PTPN14: variants seen among roughly 807,000 people sequenced by gnomAD.
PTPN14 encodes protein tyrosine phosphatase non-receptor type 14.
In PTPN14, 53 loss-of-function variants were observed where a neutral mutation model predicts 126.8. The ratio of observed to expected loss-of-function variants is 0.42; its 90% CI spans 0.34 to 0.53. PTPN14 has a LOEUF of 0.53. Among genes scored for constraint, PTPN14 ranks in the 20% least tolerant of loss-of-function variants. The pLI is 0.08. For missense variants in PTPN14, 1,257 were observed against 1,552.9 expected, an observed-to-expected ratio of 0.81 and a Z score of 3.20; for synonymous variants, 630 against 599.3, an observed-to-expected ratio of 1.05 and a Z score of -0.75.
chr1:214,530,740 A>C (rs965240001), intron 1 of PTPN14: 4 of 150,762 alleles, frequency 2.7e-5, no homozygotes, highest in African/African-American at 7.5e-5. Flanking sequence ...TTGTTGTCAA[A>C]ACTATTAGCA....
chr1:214,537,515 A>T (rs998133024), intron 1 of PTPN14, among the ~76,000 whole-genome samples: 5 of 152,216 alleles, frequency 3.3e-5, no homozygotes, highest in Non-Finnish European at 5.9e-5. Context: ...TCTCATCTAC[A>T]ATAGGCCAAA....
At chr1:214,449,848 A>T (rs1660233003) in intron 3 of PTPN14, among the ~76,000 whole-genome samples, 1 of 127,680 alleles carries the variant, frequency 7.8e-6, no homozygotes, top group South Asian at 2.9e-4. Flanking sequence ...AATAAAAATA[A>T]AAAAAAAAGG....
At position 214,384,190 on chromosome 1, in the gene PTPN14, C is replaced by T. The variant is rs572079685; in HGVS notation, c.1665G>A (p.Thr555=). Residue 555 remains threonine (T), a synonymous_variant, in exon 13 of 19, where the codon ACG becomes ACA. Coordinates refer to ENST00000366956, the MANE Select transcript of PTPN14 (RefSeq NM_005401.5). This position sits in a 1 kb window ranked among gnomAD's most constrained non-coding sequence, Gnocchi z 5.3. ...MQLQGSHNYS[T]AHMLKNYLFR... is the part of the protein sequence containing the mutation. ...AGAGATAGTTCTTAAGCATGTGGGC[C>T]GTGCTGTAGTTATGGCTGCCCTGCA... 4 of 1,607,654 alleles carry T rather than the reference C, an allele frequency of 2.5e-6. No homozygotes were observed. The highest frequency in any genetic ancestry group is 1.7e-5 in the Admixed American group (1 of 59,850).
chr1:214,516,925 G>A (rs982269363), intron 1 of PTPN14, among the ~76,000 whole-genome samples: 3 of 151,922 alleles, frequency 2.0e-5, no homozygotes, highest in African/African-American at 7.3e-5. Flanking sequence ...TACTCCTCCT[G>A]GCTTCTGGAC....
At chr1:214,496,603 A>G (rs1654519680) in intron 1 of PTPN14, among the ~76,000 whole-genome samples, 1 of 152,208 alleles carries the variant, frequency 6.6e-6, no homozygotes, top group Non-Finnish European at 1.5e-5. Flanking sequence ...TGATTTGATG[A>G]TACCTGTATA....
intron 5 of PTPN14, among the ~76,000 whole-genome samples, chr1:214,410,224 T>G (rs1290105259): frequency 6.6e-6 from 1 of 152,118 alleles, no homozygotes; most frequent in Non-Finnish European, 1.5e-5. Flanking sequence ...CCCAGACCAA[T>G]GTCATGTAGC....
chr1:214,384,545 G>C lies in PTPN14; in HGVS notation c.1310C>G (p.Pro437Arg). Residue 437 changes from proline to arginine, a missense_variant, in exon 13 of 19, where the codon CCC (proline) becomes CGC (arginine). This residue lies in a region of PTPN14 where 1,021 missense variants were observed against 1,183.3 expected (regional missense o/e 0.86). Transcript: ENST00000366956. This position sits in a 1 kb window ranked among gnomAD's most constrained non-coding sequence, Gnocchi z 5.3. ...PSHRHSAIIV[P>R]SYRPTPDYET... is the part of the protein sequence containing the mutation. ...ATAATCGGGGGTTGGCCTGTACGAG[G>C]GCACGATGATCGCGCTGTGCCGGTG... 1 of 1,614,056 alleles carries C rather than the reference G, an allele frequency of 6.2e-7. No individual in the cohort carries two copies. The highest frequency in any genetic ancestry group is 8.5e-7 in the Non-Finnish European group (1 of 1,180,024).
At chr1:214,370,609 A>G (rs1413186725) in intron 16 of PTPN14, among the ~76,000 whole-genome samples, 1 of 152,196 alleles carries the variant, frequency 6.6e-6, no homozygotes, top group Non-Finnish European at 1.5e-5. Flanking sequence ...AGTTCAATCT[A>G]CAACTAGAAC....
rs140067131 is a variant in PTPN14 at position 214,533,759 on chromosome 1, C to T, written c.-155+17424G>A. On this transcript the variant is annotated intron_variant, in intron 1 of 18. Transcript: ENST00000366956. ...GACTGAGGCGGGAGAATGGCGTGAA[C>T]CCGGGAGGCGGAGCTTGCAGTGAGC... 3.4e-3 allele frequency among the ~76,000 whole-genome samples: 513 copies of T among 151,108 alleles called. 3 individuals are homozygous for T. The highest frequency in any genetic ancestry group is 0.011 in the African/African-American group (459 of 41,178).
rs561009545 is a variant in PTPN14, at chr1:214,430,575, C to T, written c.345-15849G>A. ...GGTCTTACAGAGAAAAGATGGACCA[C>T]GCAGAAGGAAGAATTTGTGTTTGGA... is the stretch of plus-strand genomic sequence containing the variant. On this transcript the variant is annotated intron_variant, in intron 3 of 18. Transcript: ENST00000366956. Among the ~76,000 whole-genome samples the T allele has an allele frequency of 1.1e-4, 16 of 152,278 alleles. No homozygotes were observed. The South Asian group carries it at 2.1e-3, about 20-fold the overall frequency.
intron 2 of PTPN14, among the ~76,000 whole-genome samples, chr1:214,457,776 C>T (rs1276129790): frequency 6.6e-6 from 1 of 152,134 alleles, no homozygotes; most frequent in African/African-American, 2.4e-5. Flanking sequence ...CTCAAACATA[C>T]ATATAATTAA....
Position 214,364,805 on chromosome 1 carries a change from G to GTGTGTT in PTPN14, c.3272-131_3272-130insAACACA. The stretch of plus-strand genomic sequence containing the variant: ...TGTGTGTGTGTGTGTGTGTGTGTGT[G>GTGTGTT]TTTTAAGTGACAATAATTTATAGTT... On this transcript the variant is annotated intron_variant, in intron 17 of 18. Transcript: ENST00000366956. This position sits in a 1 kb window ranked among gnomAD's most constrained non-coding sequence, Gnocchi z 4.1. 1 of 830,428 alleles carries GTGTGTT rather than the reference G, an allele frequency of 1.2e-6. No individual in the cohort carries two copies. Among genetic ancestry groups the GTGTGTT allele is most frequent in the Non-Finnish European group, 1.8e-6 (1 of 556,508 alleles). 51.4% of individuals were successfully genotyped at this position (830,428 alleles called of 1,614,324 possible).
At chr1:214,387,468 G>A (rs1658646879) in intron 11 of PTPN14, among the ~76,000 whole-genome samples, 1 of 152,078 alleles carries the variant, frequency 6.6e-6, no homozygotes, top group Non-Finnish European at 1.5e-5. Flanking sequence ...CCATGATCGT[G>A]CCACTGCACT....
chr1:214,535,442 G>C (rs1449446906), intron 1 of PTPN14, among the ~76,000 whole-genome samples: 2 of 152,150 alleles, frequency 1.3e-5, no homozygotes, highest in Non-Finnish European at 2.9e-5. Flanking sequence ...AGATTATAAA[G>C]AAGGCAACTG....
Position 214,386,906 on chromosome 1 carries a change from T to C in PTPN14, c.1004A>G (p.Tyr335Cys). The change falls in exon 12 of 19, where the codon TAC becomes TGC. Residue 335 changes from tyrosine to cysteine, a missense_variant. Coordinates refer to ENST00000366956, the MANE Select transcript of PTPN14 (RefSeq NM_005401.5). ...SRSSLPRQQP[Y>C]ILPPVHVQCG... ...CTGGACGTGAACGGGAGGCAGGATG[T>C]ACGGCTGCTGCCTGGGCTGAAACAG... The C allele has an allele frequency of 6.2e-7, 1 of 1,605,968 alleles. No homozygotes were observed. Among genetic ancestry groups the C allele is most frequent in the East Asian group, 2.2e-5 (1 of 44,806 alleles).
At chr1:214,432,733 GT>G (rs57401423) in intron 3 of PTPN14, among the ~76,000 whole-genome samples, 69,969 of 151,650 alleles carry the variant, frequency 0.46, 16,710 homozygotes, top group African/African-American at 0.59. Flanking sequence ...TACCTAAAAA[GT>G]TTTTTTTTAA....
At position 214,351,487 on chromosome 1, in the gene PTPN14, A is replaced by C. The variant is rs1440538456; in HGVS notation, c.*6435T>G. The stretch of plus-strand genomic sequence containing the variant: ...GAAACATGACTTGCTCTAAAGGGGA[A>C]TGTCCTCTGCAGCACCTCTGAGATC... On this transcript the variant is annotated 3_prime_UTR_variant, in exon 19 of 19. Transcript: ENST00000366956. 2 of 152,192 alleles carry C rather than the reference A, an allele frequency of 1.3e-5. No individual in the cohort carries two copies. Among genetic ancestry groups the C allele is most frequent in the Non-Finnish European group, 2.9e-5 (2 of 68,064 alleles). 9.4% of individuals were successfully genotyped at this position (152,192 alleles called of 1,614,324 possible). A position where few individuals can be genotyped will look rare whatever the true frequency, so the allele number is the denominator to read the frequency against.
chr1:214,426,806 T>C (rs538015900), intron 3 of PTPN14, among the ~76,000 whole-genome samples: 114 of 151,876 alleles, frequency 7.5e-4, no homozygotes, highest in African/African-American at 2.5e-3. Context: ...TTCAGGGGCG[T>C]GAAGCCCAGG....
At chr1:214,401,271 G>A (rs1223700528) in intron 7 of PTPN14, among the ~76,000 whole-genome samples, 3 of 152,156 alleles carry the variant, frequency 2.0e-5, no homozygotes, top group Admixed American at 6.5e-5. Context: ...TACAAGAAAC[G>A]TTTCATTCTA....
Sources: allele counts gnomAD v4.1 joint callset (sites outside exome capture counted in the v4.1 genomes callset), GRCh38; gene constraint gnomAD v4.1.1; regional missense constraint gnomAD v4.1.1; non-coding constraint Gnocchi (gnomAD v3.1); transcripts MANE v1.5; gene names NCBI Gene and HGNC (gene_info 2026-07-23, HGNC 2026-07-21).